The following LHCGR variants were observed in gnomAD, a reference collection of about 807,000 sequenced individuals.
LHCGR encodes the protein lutropin-choriogonadotropic hormone receptor.
Under a neutral mutation model 60.7 loss-of-function variants are expected in LHCGR, and 55 were observed. That is an observed-to-expected ratio of 0.91 (90% CI 0.73 to 1.13). The LOEUF is 1.13. LHCGR is among the 50% of genes most tolerant of loss of function. LHCGR has a pLI of 0.00. For synonymous variants in LHCGR, 337 were observed against 316.5 expected, an observed-to-expected ratio of 1.06 and a Z score of -0.69; for missense variants, 862 against 836.0, an observed-to-expected ratio of 1.03 and a Z score of -0.38.
chr2:48,749,925 A>C (rs1305560230), intron 1 of LHCGR, among the ~76,000 whole-genome samples: 2 of 152,062 alleles, frequency 1.3e-5, no homozygotes, highest in African/African-American at 4.8e-5. Flanking sequence ...AAACAAATAA[A>C]ATCTAGTCCT....
intron 1 of LHCGR, chr2:48,732,829 C>T: frequency 1.9e-6 from 1 of 532,074 alleles, no homozygotes; most frequent in Non-Finnish European, 3.9e-6. Flanking sequence ...ACTCAATAAT[C>T]TCTTAGAAAT....
At chr2:48,725,788 T>C (rs1306645252) in intron 3 of LHCGR, 38 bp from the exon 4 acceptor site, 2 of 1,456,084 alleles carry the variant, frequency 1.4e-6, no homozygotes, top group Non-Finnish European at 9.6e-7. Context: ...TGCTGTTTAA[T>C]AGATGTGTAT....
chr2:48,754,080 G>T (rs867374207), intron 1 of LHCGR, among the ~76,000 whole-genome samples: 2 of 152,102 alleles, frequency 1.3e-5, no homozygotes, highest in East Asian at 1.9e-4. Flanking sequence ...AACTTGGAAG[G>T]CCTGTTGCAT....
chr2:48,729,818 T>A (rs892768291), intron 2 of LHCGR, among the ~76,000 whole-genome samples: 1 of 152,202 alleles, frequency 6.6e-6, no homozygotes, highest in Non-Finnish European at 1.5e-5. Flanking sequence ...TTCTCACTTG[T>A]GAGCAAACTG....
intron 8 of LHCGR, among the ~76,000 whole-genome samples, chr2:48,706,353 A>T (rs1327562273): frequency 6.6e-6 from 1 of 152,126 alleles, no homozygotes; most frequent in Admixed American, 6.5e-5. Context: ...AACCTTGGTG[A>T]ATCTGACAGT....
chr2:48,738,083 C>T (rs1283896521), intron 1 of LHCGR, among the ~76,000 whole-genome samples: 2 of 152,164 alleles, frequency 1.3e-5, no homozygotes, highest in Non-Finnish European at 1.5e-5. Flanking sequence ...GAAAACTTAG[C>T]CTCCTGAAAA....
At position 48,694,338 on chromosome 2, in the gene LHCGR, C is replaced by A. The variant is rs771046009; in HGVS notation, c.867-34G>T. ...GAAGAGGTTAAAAAAAGCATTTGAG[C>A]TTTTGGACTTCAGGCTAAACCTGAC... is the stretch of plus-strand genomic sequence containing the variant. On this transcript the variant is annotated intron_variant, in intron 9 of 10. Coordinates refer to ENST00000294954, the MANE Select transcript of LHCGR (RefSeq NM_000233.4). The A allele has an allele frequency of 8.8e-6, 12 of 1,370,222 alleles. No individual in the cohort carries two copies. In the South Asian group the frequency reaches 1.5e-4, roughly 17 times the overall value. The allele number at this position is 1,370,222 out of a possible 1,614,324, so 84.9% of individuals were successfully genotyped here. A position where few individuals can be genotyped will look rare whatever the true frequency, so the allele number is the denominator to read the frequency against.
chr2:48,731,318 A>G lies in LHCGR; in HGVS notation c.162-20T>C. On this transcript the variant is annotated intron_variant, in intron 1 of 10. Transcript: ENST00000294954. ...AGTGATCTAGAAAAGAAAAAAGGAA[A>G]TCCAAGAGTTTAAGATTTATGATAG... 3 of 1,577,810 alleles carry G rather than the reference A, an allele frequency of 1.9e-6. No homozygotes were observed. Among genetic ancestry groups the G allele is most frequent in the Non-Finnish European group, 2.6e-6 (3 of 1,150,438 alleles).
rs762003062 is a variant in LHCGR, at chr2:48,687,835, T to C, written c.1962A>G (p.Lys654=). The change falls in exon 11 of 11, where the codon AAA becomes AAG. Residue 654 remains lysine (K), a synonymous_variant. Transcript: ENST00000294954. ...AGTTGGAGGTGTAAGCTGAAAAATC[T>C]TTCCTTCTATAAAGTTCAGCCCGAC... ...CKRRAELYRR[K]DFSAYTSNCK... is the part of the protein sequence containing the mutation. 2 of 1,614,052 alleles carry C rather than the reference T, an allele frequency of 1.2e-6. No individual in the cohort carries two copies. Among genetic ancestry groups the C allele is most frequent in the Non-Finnish European group, 1.7e-6 (2 of 1,180,040 alleles).
At chr2:48,712,394 A>G (rs1445272454) in intron 7 of LHCGR, among the ~76,000 whole-genome samples, 1 of 152,120 alleles carries the variant, frequency 6.6e-6, no homozygotes, top group Non-Finnish European at 1.5e-5. Context: ...TAGAGTGAAT[A>G]ATGGAATGAG....
intron 6 of LHCGR, among the ~76,000 whole-genome samples, chr2:48,714,535 T>A (rs1668149069): frequency 6.6e-6 from 1 of 151,978 alleles, no homozygotes; most frequent in South Asian, 2.1e-4. Flanking sequence ...ATGTCAGATT[T>A]GGCTCCACAA....
intron 1 of LHCGR, among the ~76,000 whole-genome samples, chr2:48,753,682 G>A (rs75810564): frequency 0.038 from 5,722 of 152,242 alleles, 184 homozygotes; most frequent in Non-Finnish European, 0.056. Context: ...AGAACAGCAC[G>A]TGGCAGCAGG....
intron 7 of LHCGR, among the ~76,000 whole-genome samples, chr2:48,709,916 CT>C (rs1368154453): frequency 6.6e-6 from 1 of 152,150 alleles, no homozygotes; most frequent in Non-Finnish European, 1.5e-5. Context: ...AGCACTTCCT[CT>C]CTATAAGAGA....
chr2:48,705,780 T>A (rs1265748738), intron 8 of LHCGR, among the ~76,000 whole-genome samples: 1 of 152,154 alleles, frequency 6.6e-6, no homozygotes, highest in Non-Finnish European at 1.5e-5. Context: ...TTTGAGCCTA[T>A]GTGTGTCTTT....
intron 8 of LHCGR, among the ~76,000 whole-genome samples, chr2:48,706,923 T>G (rs1667712275): frequency 6.6e-6 from 1 of 152,238 alleles, no homozygotes; most frequent in Non-Finnish European, 1.5e-5. Context: ...CCGACCAGTT[T>G]TGTTCCCTTG....
At chr2:48,715,012 C>T (rs980310300) in intron 6 of LHCGR, among the ~76,000 whole-genome samples, 1 of 152,246 alleles carries the variant, frequency 6.6e-6, no homozygotes, top group East Asian at 1.9e-4. Flanking sequence ...TTTTACTTTT[C>T]CTCCACTGAT....
rs745609224 is a variant in LHCGR, at chr2:48,687,800, C to A, written c.1997G>T (p.Gly666Val). 6.2e-7 allele frequency: 1 copy of A among 1,614,130 alleles called. No individual in the cohort carries two copies. Among genetic ancestry groups the A allele is most frequent in the Non-Finnish European group, 8.5e-7 (1 of 1,180,012 alleles). ...FSAYTSNCKN[G>V]FTGSNKPSQS... ...AGAAGGCTTATTTGATCCAGTGAAGCCATTTTTGCAGTTGGAGGTGTAAGC... is the reference window on the plus strand; with the variant it reads ...AGAAGGCTTATTTGATCCAGTGAAGACATTTTTGCAGTTGGAGGTGTAAGC... Residue 666 changes from glycine (G) to valine (V), a missense_variant, in exon 11 of 11, where the codon GGC becomes GTC. By Grantham distance (109) the Gly-to-Val change is moderately radical. Transcript: ENST00000294954.
intron 2 of LHCGR, 30 bp downstream of exon 2, chr2:48,731,197 A>G: frequency 2.8e-6 from 4 of 1,422,944 alleles, no homozygotes; most frequent in Non-Finnish European, 4.0e-6. Flanking sequence ...CCAATTACGA[A>G]TGTCTTTTGA....
intron 1 of LHCGR, among the ~76,000 whole-genome samples, chr2:48,747,701 T>C (rs1382645326): frequency 6.6e-6 from 1 of 152,202 alleles, no homozygotes; most frequent in Non-Finnish European, 1.5e-5. Flanking sequence ...CAGCTTTTGC[T>C]AAGATGCCAG....
Sources: gnomAD v4.1 joint callset for allele counts (sites outside exome capture counted in the v4.1 genomes callset) on GRCh38, gnomAD v4.1.1 for gene constraint, MANE v1.5 for transcripts, NCBI Gene and HGNC (gene_info 2026-07-23, HGNC 2026-07-21) for gene names.